The following DST variants were observed in gnomAD, a reference collection of about 807,000 sequenced individuals.
DST encodes dystonin, also known as bullous pemphigoid antigen.
DST carries 253 observed loss-of-function variants against 875.2 expected under a neutral mutation model. The ratio of observed to expected loss-of-function variants is 0.29; its 90% CI spans 0.26 to 0.32. The LOEUF is 0.32. DST is among the 10% of genes least tolerant of loss of function. The pLI is 1.00. For synonymous variants in DST, 3,124 were observed against 3,197.1 expected (o/e 0.98, Z 0.77); for missense variants, 8,287 against 9,111.6 (o/e 0.91, Z 3.68).
rs1229104808 is a variant in DST at position 56,470,136 on chromosome 6, C to T, written c.22468G>A (p.Glu7490Lys). The T allele has an allele frequency of 6.2e-7, 1 of 1,612,152 alleles. No individual in the cohort carries two copies. The highest frequency in any genetic ancestry group is 1.3e-5 in the African/African-American group (1 of 74,988). The change falls in exon 96 of 104, where the codon GAA becomes AAA. Residue 7490 changes from glutamate (E) to lysine (K), a missense_variant. By Grantham distance (56) the Glu-to-Lys change is moderately conservative (BLOSUM62 1). This residue lies in a region of DST where 87 missense variants were observed against 209.7 expected (regional missense o/e 0.41). Coordinates refer to ENST00000680361, the MANE Select transcript of DST (RefSeq NM_001374736.1). The part of the protein sequence containing the change: ...YKPITDADKI[E>K]DEVTRQVAKC... Reference sequence around the variant, plus strand: ...GGGAAGATAATGAGTACCTCATCTTCGATTTTGTCGGCATCTGTGATAGGT... The same window carrying T: ...GGGAAGATAATGAGTACCTCATCTTTGATTTTGTCGGCATCTGTGATAGGT...
intron 9 of DST, among the ~76,000 whole-genome samples, chr6:56,699,220 C>T (rs910987300): frequency 2.0e-5 from 3 of 152,188 alleles, no homozygotes; most frequent in Non-Finnish European, 4.4e-5. Context: ...TTTTCTTCTT[C>T]ACATCTCTTT....
At chr6:56,869,113 A>T (rs1405364455) in intron 3 of DST, among the ~76,000 whole-genome samples, 1 of 152,164 alleles carries the variant, frequency 6.6e-6, no homozygotes, top group Non-Finnish European at 1.5e-5. Context: ...CTAGGTATGG[A>T]TGCTAGAACT....
At chr6:56,616,539 A>G (rs1435822052) in intron 36 of DST, 3 of 1,614,048 alleles carry the variant, frequency 1.9e-6, no homozygotes, top group Non-Finnish European at 2.5e-6. Context: ...TCAAATACAC[A>G]CATTCGCAGT....
At chr6:56,634,421 C>A in intron 26 of DST, 41 bp downstream of exon 26, 1 of 1,611,768 alleles carries the variant, frequency 6.2e-7, no homozygotes, top group South Asian at 1.1e-5. Context: ...TTCAGAGGGC[C>A]CCCAAAACTA....
At chr6:56,686,651 A>G (rs2099189255) in intron 9 of DST, among the ~76,000 whole-genome samples, 12 of 152,196 alleles carry the variant, frequency 7.9e-5, no homozygotes, top group Admixed American at 7.9e-4. Context: ...TGCTAAAGAA[A>G]TGAGAGGATG....
Position 56,616,544 on chromosome 6 carries a change from C to T in DST, c.4930-2060G>A, listed in dbSNP as rs748751197. The T allele has an allele frequency of 4.3e-6, 7 of 1,614,124 alleles. No individual in the cohort carries two copies. Among genetic ancestry groups the T allele is most frequent in the Non-Finnish European group, 5.9e-6 (7 of 1,180,030 alleles). The stretch of plus-strand genomic sequence containing the variant: ...GGACTCTACATCAAATACACACATT[C>T]GCAGTAATTCTGAGTAATACAGAGC... On this transcript the variant is annotated intron_variant, in intron 36 of 103. Transcript: ENST00000680361.
rs757046386 is a variant in DST at position 56,529,488 on chromosome 6, T to C, written c.17555A>G (p.Tyr5852Cys). Residue 5852 changes from tyrosine (Y) to cysteine (C), a missense_variant, in exon 66 of 104, where the codon TAC (tyrosine) becomes TGC (cysteine). Tyr to Cys is a radical substitution (Grantham distance 194). Around this residue, in one of 10 missense-constraint regions of DST, gnomAD observed 777 missense variants for 764.8 expected, o/e 1.02. Coordinates refer to ENST00000680361, the MANE Select transcript of DST (RefSeq NM_001374736.1). ...CTGCTTCCATAGCCCCTCAGTGCTG[T>C]AATCCTGGACTGAGAGCTTGCTCAG... ...DKLSKLSVQDYSTEGLWKQQS... is the reference protein window; with the variant it reads ...DKLSKLSVQDCSTEGLWKQQS... 10 of 1,590,890 alleles carry C rather than the reference T, an allele frequency of 6.3e-6. No individual in the cohort carries two copies. Among genetic ancestry groups the C allele is most frequent in the African/African-American group, 1.3e-5 (1 of 74,546 alleles).
intron 4 of DST, among the ~76,000 whole-genome samples, chr6:56,829,237 G>C (rs2099784293): frequency 1.3e-5 from 2 of 152,182 alleles, no homozygotes; most frequent in Non-Finnish European, 2.9e-5. Context: ...AGACATGCAA[G>C]AACAACACAT....
chr6:56,552,456 A>G lies in DST; in HGVS notation c.16336T>C (p.Cys5446Arg). 2.5e-6 allele frequency: 4 copies of G among 1,613,994 alleles called. No individual in the cohort carries two copies. Among genetic ancestry groups the G allele is most frequent in the South Asian group, 1.1e-5 (1 of 91,078 alleles). ...TCTTCTGTGGCTAACATCATCTTGCAGGTTTTATTGGCATTGTCATTGCTT... is the reference window on the plus strand; with the variant it reads ...TCTTCTGTGGCTAACATCATCTTGCGGGTTTTATTGGCATTGTCATTGCTT... ...MASNDNANKT[C>R]KMMLATEETS... The change falls in exon 61 of 104, where the codon TGC (cysteine) becomes CGC (arginine). Residue 5446 changes from cysteine to arginine, a missense_variant. Physicochemically the swap from Cys to Arg is radical, Grantham distance 180 (BLOSUM62 -3). Coordinates refer to ENST00000680361, the MANE Select transcript of DST (RefSeq NM_001374736.1).
At chr6:56,815,076 T>C (rs951490652) in intron 4 of DST, among the ~76,000 whole-genome samples, 3 of 152,192 alleles carry the variant, frequency 2.0e-5, no homozygotes, top group Admixed American at 6.5e-5. Flanking sequence ...TTATCCTCTC[T>C]GTGCACCCAT....
chr6:56,792,400 G>A (rs957772445), intron 4 of DST, among the ~76,000 whole-genome samples: 14 of 152,046 alleles, frequency 9.2e-5, no homozygotes, highest in Admixed American at 2.6e-4. Flanking sequence ...AATTACAGGA[G>A]AGAAAAAGTA....
In DST at chr6:56,843,715, AGGGTGGAGGGTGGAGAGT is replaced by A. The variant is rs1451499259; in HGVS notation, c.625+7664_625+7681del. The A allele has an allele frequency of 1.6e-4, 20 of 123,936 alleles. 1 individual carries two copies. The highest frequency in any genetic ancestry group is 7.3e-4 in the Admixed American group (4 of 5,514). The allele number at this position is 123,936 out of a possible 1,614,324, so 7.7% of individuals were successfully genotyped here. A position where few individuals can be genotyped will look rare whatever the true frequency, so the allele number is the denominator to read the frequency against. On this transcript the variant is annotated intron_variant, in intron 4 of 103. Coordinates refer to ENST00000680361, the MANE Select transcript of DST (RefSeq NM_001374736.1). ...GGGAGAGAGGGAGGGAGGAGGGTGGAGGGTGGAGGGTGGAGAGTGGAGGGTGGAGGGTGGAGGGTGGAG... is the reference window on the plus strand; with the variant it reads ...GGGAGAGAGGGAGGGAGGAGGGTGGAGGAGGGTGGAGGGTGGAGGGTGGAG...
chr6:56,728,887 A>G (rs137981274), intron 5 of DST, among the ~76,000 whole-genome samples: 1 of 152,038 alleles, frequency 6.6e-6, no homozygotes, highest in Non-Finnish European at 1.5e-5. Flanking sequence ...GAATAACCCT[A>G]TTCTTAGGAA....
intron 4 of DST, among the ~76,000 whole-genome samples, chr6:56,753,097 C>T (rs2099592623): frequency 6.6e-6 from 1 of 152,076 alleles, no homozygotes; most frequent in Non-Finnish European, 1.5e-5. Flanking sequence ...CTGAGTTTAT[C>T]TATCTGTTTC....
intron 2 of DST, among the ~76,000 whole-genome samples, chr6:56,939,406 G>A (rs897902422): frequency 6.6e-6 from 1 of 152,192 alleles, no homozygotes. Context: ...GGACATGGCA[G>A]AATTCAAGAT....
chr6:56,505,713 A>T (rs531292856), intron 77 of DST, among the ~76,000 whole-genome samples: 65 of 152,254 alleles, frequency 4.3e-4, no homozygotes, highest in African/African-American at 1.4e-3. Context: ...AGCTTTTTCC[A>T]TATGGTAAGA....
Position 56,895,102 on chromosome 6 carries a change from G to A in DST, c.417+5319C>T, listed in dbSNP as rs759028539. Among the ~76,000 whole-genome samples, 139 of 94,964 alleles carry A rather than the reference G, an allele frequency of 1.5e-3. 8 individuals carry two copies. Among genetic ancestry groups the A allele is most frequent in the South Asian group, 8.3e-3 (29 of 3,510 alleles). 62.3% of individuals were successfully genotyped at this position (94,964 alleles called of 152,430 possible). A position where few individuals can be genotyped will look rare whatever the true frequency, so the allele number is the denominator to read the frequency against. On this transcript the variant is annotated intron_variant, in intron 3 of 103. Transcript: ENST00000680361. The stretch of plus-strand genomic sequence containing the variant: ...GGGCTCCTCACTTCCCAGTAGGGGC[G>A]GCCGGGCAGAGGAGCCCCTCACCTC...
rs142996840 is a variant in DST at position 56,943,490 on chromosome 6, C to T, written c.216+10295G>A. On this transcript the variant is annotated intron_variant, in intron 2 of 103. Transcript: ENST00000680361. Reference sequence around the variant, plus strand: ...TTGCCCAGGCTGGAGTGCAATGGCACGATCTCAGCTCAGCTCACCGTAACC... The same window carrying T: ...TTGCCCAGGCTGGAGTGCAATGGCATGATCTCAGCTCAGCTCACCGTAACC... 4.7e-3 allele frequency among the ~76,000 whole-genome samples: 709 copies of T among 150,358 alleles called. 3 individuals are homozygous for T. The highest frequency in any genetic ancestry group is 0.03 in the East Asian group (153 of 5,062).
At chr6:56,514,359 C>T (rs1032944526) in intron 72 of DST, among the ~76,000 whole-genome samples, 1 of 152,078 alleles carries the variant, frequency 6.6e-6, no homozygotes, top group Non-Finnish European at 1.5e-5. Flanking sequence ...CATAAGATTC[C>T]TGTTCTATAT....
Sources: gnomAD v4.1 joint callset for allele counts (sites outside exome capture counted in the v4.1 genomes callset) on GRCh38, gnomAD v4.1.1 for gene constraint, gnomAD v4.1.1 regional missense constraint, MANE v1.5 for transcripts, NCBI Gene and HGNC (gene_info 2026-07-23, HGNC 2026-07-21) for gene names.